ANKS1B: variants seen among roughly 807,000 people sequenced by gnomAD.
ANKS1B encodes the protein ankyrin repeat and sterile alpha motif domain-containing protein 1B.
In ANKS1B, 36 loss-of-function variants were observed where a neutral mutation model predicts 148.3. The ratio of observed to expected loss-of-function variants is 0.24; its 90% CI spans 0.19 to 0.32. The LOEUF is 0.32. Ranked by LOEUF, ANKS1B falls within the 10% of genes least tolerant of loss-of-function variation. ANKS1B has a pLI of 1.00. For synonymous variants in ANKS1B, 542 were observed against 560.8 expected, an observed-to-expected ratio of 0.97 and a Z score of 0.47; for missense variants, 1,157 against 1,542.6, an observed-to-expected ratio of 0.75 and a Z score of 4.19.
chr12:98,747,578 A>G (rs1387732299), intron 26 of ANKS1B, among the ~76,000 whole-genome samples: 1 of 152,220 alleles, frequency 6.6e-6, no homozygotes, highest in Non-Finnish European at 1.5e-5. Context: ...TTGAGCTACC[A>G]TATGTTCCAG....
At chr12:99,057,858 A>G (rs2040809102) in intron 16 of ANKS1B, among the ~76,000 whole-genome samples, 1 of 152,238 alleles carries the variant, frequency 6.6e-6, no homozygotes, top group Non-Finnish European at 1.5e-5. Flanking sequence ...GAGAAAGATG[A>G]AGACTCGTGG....
chr12:99,592,383 T>C (rs2097711602), intron 9 of ANKS1B, among the ~76,000 whole-genome samples: 1 of 151,890 alleles, frequency 6.6e-6, no homozygotes, highest in Non-Finnish European at 1.5e-5. Context: ...AAACTGACCA[T>C]TAGGTCACTA....
chr12:98,919,751 C>T (rs2099798905), intron 17 of ANKS1B, among the ~76,000 whole-genome samples: 1 of 152,108 alleles, frequency 6.6e-6, no homozygotes, highest in African/African-American at 2.4e-5. Flanking sequence ...TCATAGGGTC[C>T]CTTTCCAAGT....
In ANKS1B at chr12:99,005,006, TC is replaced by T. The variant is rs374941157; in HGVS notation, c.2778+48150del. On this transcript the variant is annotated intron_variant, in intron 17 of 26. Transcript: ENST00000683438. ...CCCTCGCAAGGAGCAGAGGAGAACA[TC>T]CGGTGGGAGCAGAAGCAGAGGCAGA... Among the ~76,000 whole-genome samples, 116 of 152,226 alleles carry T rather than the reference TC, an allele frequency of 7.6e-4. 1 individual carries two copies. The highest frequency in any genetic ancestry group is 2.7e-3 in the African/African-American group (114 of 41,528).
intron 8 of ANKS1B, among the ~76,000 whole-genome samples, chr12:99,700,660 C>G (rs763272901): frequency 1.3e-5 from 2 of 152,090 alleles, no homozygotes; most frequent in Non-Finnish European, 2.9e-5. Context: ...CTTAGCATAT[C>G]CCAATTGCCA....
chr12:99,948,350 C>T (rs1439163165), intron 1 of ANKS1B, among the ~76,000 whole-genome samples: 2 of 149,790 alleles, frequency 1.3e-5, no homozygotes, highest in African/African-American at 2.5e-5. Context: ...AAGAAGGATG[C>T]CTTTTATTGG....
intron 17 of ANKS1B, among the ~76,000 whole-genome samples, chr12:98,997,733 A>C (rs934852770): frequency 1.3e-5 from 2 of 152,170 alleles, no homozygotes; most frequent in Non-Finnish European, 2.9e-5. Flanking sequence ...ATAGTAAGTA[A>C]CCAACAAGCA....
At chr12:99,610,020 T>C (rs765515845) in intron 9 of ANKS1B, among the ~76,000 whole-genome samples, 16 of 152,138 alleles carry the variant, frequency 1.1e-4, no homozygotes, top group African/African-American at 3.9e-4. Flanking sequence ...CCGCTCCACA[T>C]TGAACACCAG....
intron 1 of ANKS1B, among the ~76,000 whole-genome samples, chr12:99,917,401 G>A (rs1402811183): frequency 6.6e-6 from 1 of 152,218 alleles, no homozygotes; most frequent in African/African-American, 2.4e-5. Flanking sequence ...CAGGGATGGA[G>A]GCTATGCATG....
intron 17 of ANKS1B, among the ~76,000 whole-genome samples, chr12:98,878,483 C>A (rs2099697693): frequency 6.6e-6 from 1 of 152,212 alleles, no homozygotes; most frequent in Non-Finnish European, 1.5e-5. Context: ...ATCTGGTGAT[C>A]TGCTGCTCCC....
chr12:99,604,548 C>A (rs2097835200), intron 9 of ANKS1B, among the ~76,000 whole-genome samples: 1 of 151,924 alleles, frequency 6.6e-6, no homozygotes, highest in Admixed American at 6.6e-5. Context: ...GGTGGAGTGC[C>A]TAACGCCTGT....
At chr12:98,840,157 C>T (rs572754125) in intron 17 of ANKS1B, among the ~76,000 whole-genome samples, 8 of 152,152 alleles carry the variant, frequency 5.3e-5, no homozygotes, top group Admixed American at 2.0e-4. Context: ...TATTTCATTC[C>T]GTTTCTACTC....
intron 13 of ANKS1B, among the ~76,000 whole-genome samples, chr12:99,245,912 A>G (rs906571612): frequency 2.0e-5 from 3 of 152,192 alleles, no homozygotes; most frequent in African/African-American, 7.2e-5. Flanking sequence ...AAACTAACAA[A>G]GAGTTTGGCA....
chr12:99,590,908 GTTTAT>G lies in ANKS1B; in HGVS notation c.1272+64154_1272+64158del, dbSNP rs574955815. Among the ~76,000 whole-genome samples the G allele has an allele frequency of 1.4e-3, 214 of 152,228 alleles. 1 individual carries two copies. The highest frequency in any genetic ancestry group is 4.8e-3 in the Admixed American group (74 of 15,276). On this transcript the variant is annotated intron_variant, in intron 9 of 26. Coordinates refer to ENST00000683438, the MANE Select transcript of ANKS1B (RefSeq NM_001352186.2). ...CTCAGAGATCACCCTGATTTTACAT[GTTTAT>G]TTTCTTACTTTGAACTGTCTCTATA...
At chr12:98,882,818 A>G (rs2099713522) in intron 17 of ANKS1B, among the ~76,000 whole-genome samples, 1 of 152,132 alleles carries the variant, frequency 6.6e-6, no homozygotes, top group African/African-American at 2.4e-5. Flanking sequence ...CCACATTAAG[A>G]TGTTAATGAA....
At chr12:99,462,341 G>A (rs981436411) in intron 10 of ANKS1B, among the ~76,000 whole-genome samples, 7 of 152,084 alleles carry the variant, frequency 4.6e-5, no homozygotes, top group Admixed American at 2.0e-4. Flanking sequence ...CTGTCCTATC[G>A]CCAACTTGGA....
intron 9 of ANKS1B, among the ~76,000 whole-genome samples, chr12:99,591,238 TA>T (rs1211977029): frequency 6.6e-6 from 1 of 152,084 alleles, no homozygotes; most frequent in Admixed American, 6.6e-5. Context: ...TATATAACTT[TA>T]AAAAATTTAT....
intron 9 of ANKS1B, chr12:99,649,250 C>G (rs1283110640): frequency 6.9e-7 from 1 of 1,457,122 alleles, no homozygotes; most frequent in Non-Finnish European, 9.6e-7. Flanking sequence ...GGAGATCTTG[C>G]TGGTCTCACT....
At chr12:98,895,020 C>G (rs1454013371) in intron 17 of ANKS1B, 23 of 845,260 alleles carry the variant, frequency 2.7e-5, no homozygotes, top group East Asian at 1.2e-4. Context: ...CGTCCTCCCC[C>G]GAACGCCGTC....
Sources: gnomAD v4.1 joint callset for allele counts (sites outside exome capture counted in the v4.1 genomes callset) on GRCh38, gnomAD v4.1.1 for gene constraint, MANE v1.5 for transcripts, NCBI Gene and HGNC (gene_info 2026-07-23, HGNC 2026-07-21) for gene names.